LGMN: variants seen among roughly 807,000 people sequenced by gnomAD.
LGMN encodes legumain, also known as asparaginyl endopeptidase.
In LGMN, 36 loss-of-function variants were observed where a neutral mutation model predicts 56.8. The ratio of observed to expected loss-of-function variants is 0.63; its 90% CI spans 0.49 to 0.84. The LOEUF is 0.84. Among genes scored for constraint, LGMN ranks in the 40% least tolerant of loss-of-function variants. The probability of loss-of-function intolerance (pLI) is 0.00; values close to 1 mark genes in which losing one functional copy is unlikely to be tolerated. For missense variants in LGMN, 446 were observed against 556.1 expected, an observed-to-expected ratio of 0.80 and a Z score of 1.99; for synonymous variants, 199 against 210.1, an observed-to-expected ratio of 0.95 and a Z score of 0.46.
intron 12 of LGMN, among the ~76,000 whole-genome samples, chr14:92,705,134 C>T (rs1215439172): frequency 6.6e-6 from 1 of 152,186 alleles, no homozygotes; most frequent in East Asian, 1.9e-4. Context: ...TATCTTGAAA[C>T]AAACTTCAGG....
chr14:92,703,905 T>C lies in LGMN; in HGVS notation c.*414A>G. 1 of 480,086 alleles carries C rather than the reference T, an allele frequency of 2.1e-6. No individual in the cohort carries two copies. Among genetic ancestry groups the C allele is most frequent in the Non-Finnish European group, 3.7e-6 (1 of 269,618 alleles). The allele number at this position is 480,086 out of a possible 1,614,324, so 29.7% of individuals were successfully genotyped here. A position where few individuals can be genotyped will look rare whatever the true frequency, so the allele number is the denominator to read the frequency against. On this transcript the variant is annotated 3_prime_UTR_variant, in exon 14 of 14. Transcript: ENST00000334869. ...AAATCATCATATTTTCTAAAAACAG[T>C]TTTCCATTTGGGGCTTGCGGCCCTC...
At position 92,724,055 on chromosome 14, in the gene LGMN, T is replaced by C. The variant is rs191644367; in HGVS notation, c.139-5211A>G. Among the ~76,000 whole-genome samples the C allele has an allele frequency of 2.4e-4, 36 of 152,320 alleles. No individual in the cohort carries two copies. In the Middle Eastern group the frequency reaches 0.01, roughly 43 times the overall value. On this transcript the variant is annotated intron_variant, in intron 2 of 13. Transcript: ENST00000334869. ...TGCCCAAAGGATCATACTGGGATGA[T>C]GGAAATATCAAACTGATTTATAGTG...
At chr14:92,724,927 A>G (rs2140245714) in intron 2 of LGMN, among the ~76,000 whole-genome samples, 1 of 152,298 alleles carries the variant, frequency 6.6e-6, no homozygotes, top group Non-Finnish European at 1.5e-5. Context: ...ATATATGATC[A>G]CTTCCCGACA....
Position 92,704,166 on chromosome 14 carries a change from A to T in LGMN, c.*153T>A, listed in dbSNP as rs748494533. The T allele has an allele frequency of 1.1e-6, 1 of 889,784 alleles. No individual in the cohort carries two copies. 55.1% of individuals were successfully genotyped at this position (889,784 alleles called of 1,614,324 possible). A position where few individuals can be genotyped will look rare whatever the true frequency, so the allele number is the denominator to read the frequency against. On this transcript the variant is annotated 3_prime_UTR_variant, in exon 14 of 14. Coordinates refer to ENST00000334869, the MANE Select transcript of LGMN (RefSeq NM_005606.7). ...GGAAGCAGGTAACAGCGAGCAAGTC[A>T]TCTTGTGAAGAAGGTCCTGGAGCGA...
chr14:92,732,562 G>C, intron 2 of LGMN, 87 bp downstream of exon 2: 1 of 1,469,340 alleles, frequency 6.8e-7, no homozygotes, highest in Non-Finnish European at 9.3e-7. Context: ...GGCTTTTCAA[G>C]TCTTTTCTAT....
At chr14:92,711,120 A>G (rs1384252152) in intron 10 of LGMN, among the ~76,000 whole-genome samples, 1 of 152,194 alleles carries the variant, frequency 6.6e-6, no homozygotes, top group Non-Finnish European at 1.5e-5. Flanking sequence ...TTTAGCAGCC[A>G]CTTACTGCAA....
At chr14:92,748,446 G>A (rs1302662713) in intron 1 of LGMN, 43 bp downstream of exon 1, 1 of 153,464 alleles carries the variant, frequency 6.5e-6, no homozygotes, top group African/African-American at 2.4e-5. Flanking sequence ...CTGGCCTCGG[G>A]CGTGGGGACT....
chr14:92,716,373 C>A, intron 4 of LGMN, 152 bp from the exon 5 acceptor site: 1 of 654,696 alleles, frequency 1.5e-6, no homozygotes. Context: ...TGGCTCACGC[C>A]TGTAATCCTA....
intron 1 of LGMN, among the ~76,000 whole-genome samples, chr14:92,738,282 CTTTTT>C (rs1199624185): frequency 7.0e-6 from 1 of 142,102 alleles, no homozygotes; most frequent in South Asian, 2.2e-4. Context: ...TTTTCTTTTT[CTTTTT>C]TTTTTTTTTG....
chr14:92,704,619 C>T (rs776570095), intron 13 of LGMN, 21 bp downstream of exon 13: 13 of 1,595,694 alleles, frequency 8.1e-6, no homozygotes, highest in East Asian at 2.2e-5. Context: ...ACCTTTCAAG[C>T]GTCACCGCTG....
At chr14:92,708,874 A>AAAAAAAAAAAAAAAAAC (rs1889585415) in intron 11 of LGMN, among the ~76,000 whole-genome samples, 1 of 150,382 alleles carries the variant, frequency 6.6e-6, no homozygotes, top group African/African-American at 2.4e-5. Context: ...AAAAAAAAAA[A>AAAAAAAAAAAAAAAAAC]AAAAAAATCT....
At chr14:92,723,375 G>A (rs1346628382) in intron 2 of LGMN, among the ~76,000 whole-genome samples, 5 of 151,872 alleles carry the variant, frequency 3.3e-5, no homozygotes, top group African/African-American at 1.2e-4. Flanking sequence ...ACCTACCCAA[G>A]AGAAACAAAA....
intron 2 of LGMN, among the ~76,000 whole-genome samples, chr14:92,729,196 G>A (rs1456129850): frequency 7.8e-6 from 1 of 128,886 alleles, no homozygotes; most frequent in Non-Finnish European, 1.6e-5. Context: ...GCGCACCTCT[G>A]CCCATCCTGG....
chr14:92,704,851 A>C, intron 12 of LGMN, 144 bp from the exon 13 acceptor site: 1 of 671,668 alleles, frequency 1.5e-6, no homozygotes, highest in Non-Finnish European at 2.8e-6. Flanking sequence ...CCTTTAGATA[A>C]TCTGGTGATA....
intron 2 of LGMN, among the ~76,000 whole-genome samples, chr14:92,727,602 C>T (rs1890804722): frequency 6.6e-6 from 1 of 152,054 alleles, no homozygotes; most frequent in Non-Finnish European, 1.5e-5. Context: ...TTTTATATTC[C>T]CACTGCCAGC....
intron 1 of LGMN, among the ~76,000 whole-genome samples, chr14:92,746,975 G>A (rs1891847545): frequency 6.7e-6 from 1 of 149,154 alleles, no homozygotes; most frequent in South Asian, 2.1e-4. Flanking sequence ...GGCGGAGCTT[G>A]CAGTGAGCCG....
intron 1 of LGMN, chr14:92,741,197 A>C (rs1002756035): frequency 1.3e-5 from 2 of 152,060 alleles, no homozygotes; most frequent in African/African-American, 4.8e-5. Flanking sequence ...GAAAAGAAAA[A>C]AAAAAAAAAG....
intron 10 of LGMN, among the ~76,000 whole-genome samples, chr14:92,711,240 G>A (rs970418300): frequency 6.6e-6 from 1 of 152,144 alleles, no homozygotes; most frequent in African/African-American, 2.4e-5. Flanking sequence ...AAAGGGGCAG[G>A]ACCCCAGAAA....
intron 2 of LGMN, among the ~76,000 whole-genome samples, chr14:92,728,028 A>AT (rs1280553030): frequency 6.6e-6 from 1 of 152,220 alleles, no homozygotes; most frequent in Non-Finnish European, 1.5e-5. Context: ...AGCAGTTGTG[A>AT]TTGCTTAAAG....
Sources: allele counts gnomAD v4.1 joint callset (sites outside exome capture counted in the v4.1 genomes callset), GRCh38; gene constraint gnomAD v4.1.1; transcripts MANE v1.5; gene names NCBI Gene and HGNC (gene_info 2026-07-23, HGNC 2026-07-21).